The following ZNF438 variants were observed in gnomAD, a reference collection of about 807,000 sequenced individuals.
ZNF438 encodes zinc finger protein 438.
A neutral mutation model predicts 38.0 loss-of-function variants in ZNF438; 25 were observed. That is an observed-to-expected ratio of 0.66 (90% CI 0.48 to 0.92). ZNF438 has a LOEUF of 0.92. Ranked by LOEUF, ZNF438 falls within the 40% of genes least tolerant of loss-of-function variation. The probability of loss-of-function intolerance (pLI) is 0.00; values close to 1 mark genes in which losing one functional copy is unlikely to be tolerated. For synonymous variants in ZNF438, 372 were observed against 364.1 expected, an observed-to-expected ratio of 1.02 and a Z score of -0.25; for missense variants, 1,007 against 999.6, an observed-to-expected ratio of 1.01 and a Z score of -0.10.
intron 4 of ZNF438, among the ~76,000 whole-genome samples, chr10:30,856,081 G>C (rs2034577112): frequency 6.6e-6 from 1 of 152,204 alleles, no homozygotes; most frequent in African/African-American, 2.4e-5. Context: ...TGATGAGTGT[G>C]TGTCTATGCA....
At chr10:31,001,748 T>C (rs1373299450) in intron 1 of ZNF438, among the ~76,000 whole-genome samples, 2 of 152,192 alleles carry the variant, frequency 1.3e-5, no homozygotes, top group Non-Finnish European at 2.9e-5. Context: ...CCCTAACATA[T>C]TGTAGTTCAT....
chr10:31,010,046 A>G (rs1163978706), intron 1 of ZNF438, among the ~76,000 whole-genome samples: 1 of 151,954 alleles, frequency 6.6e-6, no homozygotes, highest in African/African-American at 2.4e-5. Flanking sequence ...ATGGGGTTTC[A>G]CCATATCGGC....
At chr10:30,888,555 G>A (rs1194646224) in intron 3 of ZNF438, among the ~76,000 whole-genome samples, 2 of 152,094 alleles carry the variant, frequency 1.3e-5, no homozygotes, top group African/African-American at 4.8e-5. Flanking sequence ...GTAGGCTCCA[G>A]GGTCTGTTGT....
In ZNF438 at chr10:30,845,088, C is replaced by T. The variant is rs753581722; in HGVS notation, c.2360G>A (p.Arg787Gln). 1.8e-4 allele frequency: 292 copies of T among 1,614,056 alleles called. No individual in the cohort carries two copies. The highest frequency in any genetic ancestry group is 2.1e-4 in the Non-Finnish European group (246 of 1,180,036). Reference sequence around the variant, plus strand: ...CCAGTGGTGGAGGAGGTCCTCTTTCCGTCCCAGCATCTCTGCACAAAGCAG... The same window carrying T: ...CCAGTGGTGGAGGAGGTCCTCTTTCTGTCCCAGCATCTCTGCACAAAGCAG... The change falls in exon 6 of 6, where the codon CGG (arginine) becomes CAG (glutamine). Residue 787 changes from arginine (R) to glutamine (Q), a missense_variant. Arg to Gln is a conservative substitution (Grantham distance 43). Coordinates refer to ENST00000413025, the Ensembl canonical transcript of ZNF438.
chr10:30,930,345 G>A (rs1013280087), intron 2 of ZNF438, among the ~76,000 whole-genome samples: 33 of 152,126 alleles, frequency 2.2e-4, no homozygotes, highest in African/African-American at 5.1e-4. Flanking sequence ...GCCCAGGGCC[G>A]ACACTCCTGG....
intron 2 of ZNF438, among the ~76,000 whole-genome samples, chr10:30,929,579 A>G (rs2045388016): frequency 6.6e-6 from 1 of 152,218 alleles, no homozygotes; most frequent in African/African-American, 2.4e-5. Context: ...AGCTTTCACA[A>G]ACAAAGTACG....
rs374438294 is a variant in ZNF438, at chr10:30,953,326, G to A, written c.-191-11675C>T. 9.9e-5 allele frequency among the ~76,000 whole-genome samples: 15 copies of A among 151,984 alleles called. No homozygotes were observed. In the South Asian group the frequency reaches 2.7e-3, roughly 27 times the overall value. Reference sequence around the variant, plus strand: ...TAGATGACGAGTTAGTGGGTGCAGCGCACCAGCGTGGCACATGTATACATA... The same window carrying A: ...TAGATGACGAGTTAGTGGGTGCAGCACACCAGCGTGGCACATGTATACATA... On this transcript the variant is annotated intron_variant, in intron 1 of 5. Coordinates refer to ENST00000413025, the Ensembl canonical transcript of ZNF438.
At chr10:30,929,624 C>T (rs868340629) in intron 2 of ZNF438, among the ~76,000 whole-genome samples, 1 of 152,200 alleles carries the variant, frequency 6.6e-6, no homozygotes, top group Non-Finnish European at 1.5e-5. Flanking sequence ...CTGCTGGCTG[C>T]GGTAGCCTGC....
intron 4 of ZNF438, among the ~76,000 whole-genome samples, chr10:30,876,357 G>C (rs1303789877): frequency 6.6e-6 from 1 of 152,030 alleles, no homozygotes; most frequent in East Asian, 1.9e-4. Flanking sequence ...ATTTCTCCCC[G>C]GGGTTAGAGT....
chr10:30,909,016 C>G lies in ZNF438; in HGVS notation c.-114-1G>C, dbSNP rs980424163. 6.6e-6 allele frequency: 1 copy of G among 151,868 alleles called. No individual in the cohort carries two copies. The highest frequency in any genetic ancestry group is 2.4e-5 in the African/African-American group (1 of 41,374). The allele number at this position is 151,868 out of a possible 1,614,324, so 9.4% of individuals were successfully genotyped here. On this transcript the variant is annotated splice_acceptor_variant, in intron 2 of 5. Coordinates refer to ENST00000413025, the Ensembl canonical transcript of ZNF438. LOFTEE classifies it low-confidence loss of function (5UTR_SPLICE). ...GATGTGCGTACTTTCTTCAACATACCTAAAAAAAGAAAACTGGATTTACAA... is the reference window on the plus strand; with the variant it reads ...GATGTGCGTACTTTCTTCAACATACGTAAAAAAAGAAAACTGGATTTACAA...
At chr10:30,875,643 G>C in intron 4 of ZNF438, 3 of 943,472 alleles carry the variant, frequency 3.2e-6, no homozygotes, top group Non-Finnish European at 2.5e-6. Flanking sequence ...TTTATTTCTA[G>C]TTGGGGTTTG....
chr10:31,032,379 C>T (rs1236552385), upstream of ZNF438, among the ~76,000 whole-genome samples: 1 of 151,912 alleles, frequency 6.6e-6, no homozygotes, highest in Non-Finnish European at 1.5e-5. Context: ...CGCTCCTCCC[C>T]GGCTCGACGC....
At chr10:30,874,447 G>A (rs2038095078) in intron 4 of ZNF438, among the ~76,000 whole-genome samples, 1 of 151,880 alleles carries the variant, frequency 6.6e-6, no homozygotes, top group Non-Finnish European at 1.5e-5. Context: ...GCTGTACCTA[G>A]CCATAAATTA....
chr10:30,919,857 C>T (rs1469129433), intron 2 of ZNF438: 1 of 152,136 alleles, frequency 6.6e-6, no homozygotes, highest in African/African-American at 2.4e-5. Context: ...ACAATGAATT[C>T]TCTTCGAGAT....
chr10:30,951,229 G>T (rs903578815), intron 1 of ZNF438, among the ~76,000 whole-genome samples: 1 of 151,254 alleles, frequency 6.6e-6, no homozygotes, highest in Non-Finnish European at 1.5e-5. Flanking sequence ...CAATAAATTA[G>T]GTATTGATGG....
intron 1 of ZNF438, among the ~76,000 whole-genome samples, chr10:30,985,551 A>G (rs2052675738): frequency 6.6e-6 from 1 of 152,242 alleles, no homozygotes; most frequent in Non-Finnish European, 1.5e-5. Flanking sequence ...TGGTTTGATG[A>G]TTTCATCTAA....
At chr10:30,886,347 GTGT>G (rs1353497247) in intron 3 of ZNF438, among the ~76,000 whole-genome samples, 6 of 152,076 alleles carry the variant, frequency 3.9e-5, no homozygotes, top group Admixed American at 1.3e-4. Context: ...ATATACTTAG[GTGT>G]TGTTTGAAAA....
At chr10:30,970,855 ATG>A (rs2050664525) in intron 1 of ZNF438, among the ~76,000 whole-genome samples, 5 of 152,206 alleles carry the variant, frequency 3.3e-5, no homozygotes, top group Admixed American at 2.6e-4. Context: ...TAGTGAGGAA[ATG>A]TCTGGGGTTG....
intron 1 of ZNF438, among the ~76,000 whole-genome samples, chr10:30,955,663 C>T (rs929871699): frequency 1.1e-4 from 17 of 152,152 alleles, no homozygotes; most frequent in African/African-American, 1.4e-4. Context: ...TCTCAGTCAA[C>T]GAAACATGCA....
Sources: gnomAD v4.1 joint callset for allele counts (sites outside exome capture counted in the v4.1 genomes callset) on GRCh38, gnomAD v4.1.1 for gene constraint, MANE v1.5 for transcripts, NCBI Gene and HGNC (gene_info 2026-07-23, HGNC 2026-07-21) for gene names.